ADCY8: variants seen among roughly 807,000 people sequenced by gnomAD.
The protein encoded by ADCY8 is adenylate cyclase type 8.
A neutral mutation model predicts 119.7 loss-of-function variants in ADCY8; 51 were observed. The observed-to-expected ratio is 0.43, with a 90% CI of 0.34 to 0.54. ADCY8 has a LOEUF of 0.54. ADCY8 is among the 20% of genes least tolerant of loss of function. The pLI is 0.03. For synonymous variants in ADCY8, 665 were observed against 651.0 expected, an observed-to-expected ratio of 1.02 and a Z score of -0.33; for missense variants, 1,383 against 1,598.8, an observed-to-expected ratio of 0.87 and a Z score of 2.30.
intron 1 of ADCY8, among the ~76,000 whole-genome samples, chr8:130,992,090 T>A (rs915782684): frequency 4.0e-5 from 6 of 150,212 alleles, no homozygotes; most frequent in African/African-American, 1.5e-4. Flanking sequence ...ATATTTTATA[T>A]ACTTTTTTGA....
chr8:130,955,616 A>G (rs1821403293), intron 2 of ADCY8, among the ~76,000 whole-genome samples: 2 of 152,248 alleles, frequency 1.3e-5, no homozygotes, highest in Admixed American at 6.5e-5. Flanking sequence ...AAATAAATCA[A>G]TGGAAATATG....
chr8:130,810,436 G>A (rs938376651), intron 14 of ADCY8, among the ~76,000 whole-genome samples: 5 of 151,692 alleles, frequency 3.3e-5, no homozygotes, highest in Non-Finnish European at 7.4e-5. Context: ...ATTGTAAGGG[G>A]GAGAGGGGCA....
At chr8:130,948,793 A>C (rs984723184) in intron 3 of ADCY8, among the ~76,000 whole-genome samples, 4 of 152,172 alleles carry the variant, frequency 2.6e-5, no homozygotes, top group Admixed American at 6.5e-5. Flanking sequence ...CGGGTGGAGC[A>C]GCCAGTTGGC....
At chr8:130,901,684 G>C (rs1399780700) in intron 7 of ADCY8, among the ~76,000 whole-genome samples, 1 of 152,104 alleles carries the variant, frequency 6.6e-6, no homozygotes, top group African/African-American at 2.4e-5. Flanking sequence ...GTTTTAATTG[G>C]CTCAGTAATT....
At chr8:130,847,380 T>C (rs1198510597) in intron 11 of ADCY8, 44 bp downstream of exon 11, 4 of 1,421,204 alleles carry the variant, frequency 2.8e-6, no homozygotes, top group Admixed American at 1.8e-5. Context: ...GGTAGAGATA[T>C]ATCTATGTCC....
chr8:130,959,864 A>T (rs1014074934), intron 2 of ADCY8, among the ~76,000 whole-genome samples: 23 of 152,182 alleles, frequency 1.5e-4, no homozygotes, highest in African/African-American at 5.5e-4. Context: ...GAGTGGCGTG[A>T]GGGTATGGAG....
At chr8:130,945,109 T>C (rs1003196987) in intron 3 of ADCY8, among the ~76,000 whole-genome samples, 1 of 152,078 alleles carries the variant, frequency 6.6e-6, no homozygotes, top group Non-Finnish European at 1.5e-5. Context: ...GGTGGAAGAA[T>C]AAGTGTATGT....
At chr8:131,035,490 T>C (rs1448952344) in intron 1 of ADCY8, among the ~76,000 whole-genome samples, 1 of 152,122 alleles carries the variant, frequency 6.6e-6, no homozygotes, top group Admixed American at 6.5e-5. Flanking sequence ...ATTTCCTGAG[T>C]GGCCCCTTTT....
intron 1 of ADCY8, among the ~76,000 whole-genome samples, chr8:131,017,543 A>G (rs934073184): frequency 1.3e-5 from 2 of 152,194 alleles, no homozygotes; most frequent in African/African-American, 4.8e-5. Context: ...TGGGATGGGA[A>G]AAGCTAGGAA....
At chr8:131,022,754 G>T (rs1292108481) in intron 1 of ADCY8, among the ~76,000 whole-genome samples, 1 of 152,136 alleles carries the variant, frequency 6.6e-6, no homozygotes. Context: ...AACACAAGAG[G>T]CAGTCCATGT....
At position 130,846,888 on chromosome 8, in the gene ADCY8, T is replaced by TTCCTTCCTTCC. The variant is rs56726941; in HGVS notation, c.2502+535_2502+536insGGAAGGAAGGA. Among the ~76,000 whole-genome samples, 33 of 19,852 alleles carry TTCCTTCCTTCC rather than the reference T, an allele frequency of 1.7e-3. 3 individuals carry two copies. The highest frequency in any genetic ancestry group is 7.8e-3 in the South Asian group (2 of 258). The allele number at this position is 19,852 out of a possible 152,430, so 13.0% of individuals were successfully genotyped here. The stretch of plus-strand genomic sequence containing the variant: ...CTCCCTTCCCTTCCCTTCCCTTCCC[T>TTCCTTCCTTCC]TTCCTTCCTTCCTTCCTTCCTTCCT... On this transcript the variant is annotated intron_variant, in intron 11 of 17. Coordinates refer to ENST00000286355, the MANE Select transcript of ADCY8 (RefSeq NM_001115.3).
chr8:130,798,886 G>C (rs796955584), intron 15 of ADCY8, among the ~76,000 whole-genome samples: 1 of 151,770 alleles, frequency 6.6e-6, no homozygotes, highest in Non-Finnish European at 1.5e-5. Flanking sequence ...ACACACACAC[G>C]CATGCACACA....
intron 1 of ADCY8, among the ~76,000 whole-genome samples, chr8:131,036,352 T>C (rs758383820): frequency 6.6e-6 from 1 of 152,184 alleles, no homozygotes; most frequent in Non-Finnish European, 1.5e-5. Context: ...AAGACTGCGT[T>C]ACACACATAT....
At chr8:130,978,518 A>G (rs1343977296) in intron 2 of ADCY8, among the ~76,000 whole-genome samples, 1 of 152,198 alleles carries the variant, frequency 6.6e-6, no homozygotes, top group Non-Finnish European at 1.5e-5. Context: ...TAAGTTAATT[A>G]TTACTTTACT....
Position 131,039,888 on chromosome 8 carries a change from T to C in ADCY8, c.446A>G (p.Tyr149Cys). Residue 149 changes from tyrosine to cysteine, a missense_variant, in exon 1 of 18, where the codon TAC becomes TGC. Around this residue, in one of 2 missense-constraint regions of ADCY8, gnomAD observed 455 missense variants for 435.3 expected, o/e 1.05. Transcript: ENST00000286355. ...SDFFLNGGYS[Y>C]RGVIFPTLRN... is the part of the protein sequence containing the mutation. ...CAGGGTGGGGAAAATGACCCCTCGG[T>C]AGCTATAGCCCCCATTAAGAAAGAA... 6.2e-7 allele frequency: 1 copy of C among 1,613,782 alleles called. No individual in the cohort carries two copies. Among genetic ancestry groups the C allele is most frequent in the Non-Finnish European group, 8.5e-7 (1 of 1,179,838 alleles).
chr8:131,025,088 G>A (rs1823783136), intron 1 of ADCY8, among the ~76,000 whole-genome samples: 1 of 152,192 alleles, frequency 6.6e-6, no homozygotes, highest in Non-Finnish European at 1.5e-5. Context: ...GTGGCTTGAA[G>A]AAAGTTGCAC....
intron 11 of ADCY8, among the ~76,000 whole-genome samples, chr8:130,839,064 G>T (rs1817068515): frequency 7.2e-6 from 1 of 139,668 alleles, no homozygotes; most frequent in African/African-American, 2.4e-5. Context: ...ATGCAAAAGT[G>T]TAAAGGAACA....
rs142382471 is a variant in ADCY8, at chr8:130,836,326, C to T, written c.2626G>A (p.Val876Ile). Reference protein sequence around the residue: ...IAIYALLTETVYAGLFLRYDN... With the variant: ...IAIYALLTETIYAGLFLRYDN... ...TAACGCAGAAAGAGGCCTGCGTAGA[C>T]GGTCTCAGTGAGCAGGGCATAGATG... is the stretch of plus-strand genomic sequence containing the variant. Residue 876 changes from valine to isoleucine, a missense_variant, in exon 12 of 18, where the codon GTC (valine) becomes ATC (isoleucine). By Grantham distance (29) the Val-to-Ile change is conservative. Coordinates refer to ENST00000286355, the MANE Select transcript of ADCY8 (RefSeq NM_001115.3). 187 of 1,613,748 alleles carry T rather than the reference C, an allele frequency of 1.2e-4. No individual in the cohort carries two copies. The highest frequency in any genetic ancestry group is 5.0e-4 in the Admixed American group (30 of 59,972).
At chr8:130,854,831 CTCCCTCCCTTCCT>C (rs1817661797) in intron 9 of ADCY8, among the ~76,000 whole-genome samples, 1 of 126,860 alleles carries the variant, frequency 7.9e-6, no homozygotes, top group Admixed American at 7.8e-5. Context: ...CCCTCCCTCC[CTCCCTCCCTTCCT>C]TCCCTCCCTC....
Sources: allele counts gnomAD v4.1 joint callset (sites outside exome capture counted in the v4.1 genomes callset), GRCh38; gene constraint gnomAD v4.1.1; regional missense constraint gnomAD v4.1.1; transcripts MANE v1.5; gene names NCBI Gene and HGNC (gene_info 2026-07-23, HGNC 2026-07-21).